Variants in IL16 observed in about 807,000 individuals in gnomAD.
IL16 encodes the protein pro-interleukin-16.
IL16 carries 67 observed loss-of-function variants against 110.1 expected under a neutral mutation model. That is an observed-to-expected ratio of 0.61 (90% CI 0.50 to 0.75). The LOEUF is 0.75. Among genes scored for constraint, IL16 ranks in the 30% least tolerant of loss-of-function variants. IL16 has a pLI of 0.00. For synonymous variants in IL16, 689 were observed against 662.9 expected (o/e 1.04, Z -0.61); for missense variants, 1,545 against 1,655.0 (o/e 0.93, Z 1.15).
At chr15:81,225,847 G>A (rs1896772301) in intron 2 of IL16, 136 bp downstream of exon 2, 1 of 782,864 alleles carries the variant, frequency 1.3e-6, no homozygotes, top group South Asian at 1.9e-5. Flanking sequence ...GAAAAAAGTT[G>A]AGGCAGGGCC....
At chr15:81,243,146 T>TATATATATATATATATATATATATATAC (rs1567014750) in intron 2 of IL16, among the ~76,000 whole-genome samples, 1 of 39,176 alleles carries the variant, frequency 2.6e-5, no homozygotes, top group East Asian at 7.0e-4. Flanking sequence ...TATATAAGTA[T>TATATATATATATATATATATATATATAC]ATATATATAT....
At chr15:81,240,984 G>A (rs1897319482) in intron 2 of IL16, among the ~76,000 whole-genome samples, 1 of 151,984 alleles carries the variant, frequency 6.6e-6, no homozygotes, top group African/African-American at 2.4e-5. Context: ...TGATGTCTGT[G>A]GGGTATAGGG....
At chr15:81,248,457 T>A (rs1336698955) in intron 2 of IL16, among the ~76,000 whole-genome samples, 2 of 150,998 alleles carry the variant, frequency 1.3e-5, no homozygotes, top group African/African-American at 2.4e-5. Flanking sequence ...AATCTTTGCT[T>A]CTTAGATGAA....
At position 81,300,136 on chromosome 15, in the gene IL16, G is replaced by T. The variant is rs775958484; in HGVS notation, c.2810G>T (p.Gly937Val). ...RQPNQKTLPP[G>V]PDPLLRLLST... The stretch of plus-strand genomic sequence containing the variant: ...CCCAATCAGAAAACTCTCCCCCCTG[G>T]CCCGGACCCGCTCCTAAGGCTGCTG... Residue 937 changes from glycine to valine, a missense_variant, in exon 14 of 19, where the codon GGC becomes GTC. Gly to Val is a moderately radical substitution (Grantham distance 109). Around this residue, in one of 3 missense-constraint regions of IL16, gnomAD observed 1,185 missense variants for 1,238.8 expected, o/e 0.96. Transcript: ENST00000683961. The T allele has an allele frequency of 6.2e-7, 1 of 1,609,406 alleles. No homozygotes were observed.
At chr15:81,247,097 G>GTTTTTTTTTTTTTT (rs1897588884) in intron 2 of IL16, among the ~76,000 whole-genome samples, 1 of 26,370 alleles carries the variant, frequency 3.8e-5, no homozygotes. Context: ...TTTTTTTTTT[G>GTTTTTTTTTTTTTT]ATCTTGAGTG....
chr15:81,211,294 C>T (rs1896233829), intron 1 of IL16, among the ~76,000 whole-genome samples: 1 of 151,774 alleles, frequency 6.6e-6, no homozygotes, highest in Non-Finnish European at 1.5e-5. Flanking sequence ...TCTTGTCACC[C>T]AGGCTGGAGT....
rs777855097 is a variant in IL16 at position 81,299,846 on chromosome 15, G to A, written c.2520G>A (p.Arg840=). The change falls in exon 14 of 19, where the codon AGG becomes AGA. Residue 840 remains arginine (R), a synonymous_variant. Transcript: ENST00000683961. The part of the protein sequence containing the change: ...IRASSSSSSI[R]QRISSFETFG... ...CCTCCTCCTCCTCCTCCTCCATCAG[G>A]CAGAGAATCAGCTCCTTTGAAACCT... 29 of 1,613,698 alleles carry A rather than the reference G, an allele frequency of 1.8e-5. No homozygotes were observed. In the African/African-American group the frequency reaches 3.7e-4, roughly 21 times the overall value.
At chr15:81,221,442 T>G (rs1469364214) in intron 1 of IL16, among the ~76,000 whole-genome samples, 2 of 152,148 alleles carry the variant, frequency 1.3e-5, no homozygotes, top group Non-Finnish European at 2.9e-5. Flanking sequence ...ACTGGAGGAA[T>G]GGCATGGGCT....
At chr15:81,213,156 CA>C (rs756072642) in intron 1 of IL16, among the ~76,000 whole-genome samples, 1 of 152,156 alleles carries the variant, frequency 6.6e-6, no homozygotes, top group East Asian at 1.9e-4. Context: ...AGGAGTTATT[CA>C]GAAGCAAGTT....
intron 18 of IL16, among the ~76,000 whole-genome samples, chr15:81,307,418 C>T (rs560774408): frequency 6.6e-6 from 1 of 152,200 alleles, no homozygotes; most frequent in Non-Finnish European, 1.5e-5. Context: ...CCCTCACCCA[C>T]TATGAGCTCC....
At chr15:81,202,087 T>C (rs760979015) in intron 1 of IL16, among the ~76,000 whole-genome samples, 2 of 152,250 alleles carry the variant, frequency 1.3e-5, no homozygotes, top group Non-Finnish European at 2.9e-5. Context: ...ATACATTTTA[T>C]CTGGCCAGAG....
At chr15:81,220,108 C>A (rs1397897792) in intron 1 of IL16, among the ~76,000 whole-genome samples, 1 of 152,140 alleles carries the variant, frequency 6.6e-6, no homozygotes, top group East Asian at 1.9e-4. Flanking sequence ...GAACTACTCC[C>A]AGCTGCAGAT....
In IL16 at chr15:81,199,063, A is replaced by C. The variant is rs540867847; in HGVS notation, c.-102+1911A>C. Among the ~76,000 whole-genome samples the C allele has an allele frequency of 1.4e-3, 200 of 145,164 alleles. 1 individual carries two copies. The highest frequency in any genetic ancestry group is 4.9e-3 in the African/African-American group (195 of 39,646). On this transcript the variant is annotated intron_variant, in intron 1 of 18. Coordinates refer to ENST00000683961, the MANE Select transcript of IL16 (RefSeq NM_172217.5). ...TATATATATATATATATATATATAA[A>C]ATACATATTTTTTATTGTGCATTTG...
At position 81,303,804 on chromosome 15, in the gene IL16, G is replaced by A. The variant is rs1426295438; in HGVS notation, c.3420+154G>A. 6.6e-6 allele frequency among the ~76,000 whole-genome samples: 1 copy of A among 152,234 alleles called. No individual in the cohort carries two copies. The highest frequency in any genetic ancestry group is 1.5e-5 in the Non-Finnish European group (1 of 68,034). ...TCCTGTCCACTCAGCACATCCCAGA[G>A]CCTGGGGCTGCGTGGAGAGGGTAGC... On this transcript the variant is annotated intron_variant, in intron 16 of 18. Transcript: ENST00000683961. The surrounding 1 kb of genome is among the most constrained non-coding windows in gnomAD (Gnocchi z 4.1).
At chr15:81,263,354 TTG>T (rs763768187) in intron 3 of IL16, among the ~76,000 whole-genome samples, 1 of 146,318 alleles carries the variant, frequency 6.8e-6, no homozygotes, top group African/African-American at 2.6e-5. Flanking sequence ...CTATTTTTTT[TTG>T]TTTTTTTTTT....
Position 81,259,867 on chromosome 15 carries a change from C to G in IL16, c.408C>G (p.Arg136=). ...CTAAAGCCTGCCACCAAAGGGCACG[C>G]AGCAACTCAACCAGTAAGTGTCTTC... The part of the protein sequence containing the change: ...LFPKACHQRA[R]SNSTSVNPYC... The change falls in exon 3 of 19, where the codon CGC becomes CGG. Residue 136 remains arginine, a synonymous_variant. Coordinates refer to ENST00000683961, the MANE Select transcript of IL16 (RefSeq NM_172217.5). The G allele has an allele frequency of 6.2e-7, 1 of 1,607,292 alleles. No homozygotes were observed. The highest frequency in any genetic ancestry group is 8.5e-7 in the Non-Finnish European group (1 of 1,173,808).
intron 18 of IL16, among the ~76,000 whole-genome samples, chr15:81,308,092 T>C (rs1027971403): frequency 6.6e-6 from 1 of 152,236 alleles, no homozygotes; most frequent in Admixed American, 6.5e-5. Context: ...GGGCCATATA[T>C]GGTTGTTTCC....
At chr15:81,304,495 C>G (rs1900452090) in intron 16 of IL16, among the ~76,000 whole-genome samples, 1 of 152,212 alleles carries the variant, frequency 6.6e-6, no homozygotes, top group Non-Finnish European at 1.5e-5. Context: ...TGCACAAAAG[C>G]TTCTTTCTCC....
chr15:81,257,252 CAT>C (rs1365723279), intron 2 of IL16, among the ~76,000 whole-genome samples: 3 of 152,192 alleles, frequency 2.0e-5, no homozygotes, highest in Admixed American at 2.0e-4. Flanking sequence ...AGGGAATTGA[CAT>C]GTGGTTTCTT....
Sources: gnomAD v4.1 joint callset for allele counts (sites outside exome capture counted in the v4.1 genomes callset) on GRCh38, gnomAD v4.1.1 for gene constraint, gnomAD v4.1.1 regional missense constraint, Gnocchi (gnomAD v3.1) non-coding constraint, MANE v1.5 for transcripts, NCBI Gene and HGNC (gene_info 2026-07-23, HGNC 2026-07-21) for gene names.